Variants in PARK7 observed in about 807,000 individuals in gnomAD.
The protein encoded by PARK7 is Parkinson disease protein 7.
Under a neutral mutation model 20.5 loss-of-function variants are expected in PARK7, and 14 were observed. The observed-to-expected ratio is 0.68, with a 90% CI of 0.45 to 1.07. PARK7 has a LOEUF of 1.07. Ranked by LOEUF, PARK7 falls within the 50% of genes least tolerant of loss-of-function variation. The pLI is 0.00. For missense variants in PARK7, 234 were observed against 238.1 expected (o/e 0.98, Z 0.11); for synonymous variants, 98 against 84.3 (o/e 1.16, Z -0.89).
At chr1:7,965,236 C>A in intron 2 of PARK7, 88 bp from the exon 3 acceptor site, 1 of 1,222,106 alleles carries the variant, frequency 8.2e-7, no homozygotes. Flanking sequence ...GGTGAGACCC[C>A]ATCTCTCTTT....
At chr1:7,971,091 G>T in intron 5 of PARK7, 128 bp downstream of exon 5, 1 of 1,023,198 alleles carries the variant, frequency 9.8e-7, no homozygotes, top group Middle Eastern at 2.0e-4. Flanking sequence ...GGTGTATTTA[G>T]TTTGGGTGGC....
intron 5 of PARK7, 21 bp downstream of exon 5, chr1:7,970,984 G>GTGT (rs1640453908): frequency 6.2e-7 from 1 of 1,613,866 alleles, no homozygotes; most frequent in Non-Finnish European, 8.5e-7. Context: ...GGGGCAGCCT[G>GTGT]TGTTGCAGCG....
chr1:7,965,327 A>G lies in PARK7; in HGVS notation c.94A>G (p.Lys32Glu). 1 of 1,613,444 alleles carries G rather than the reference A, an allele frequency of 6.2e-7. No homozygotes were observed. Among genetic ancestry groups the G allele is most frequent in the Non-Finnish European group, 8.5e-7 (1 of 1,179,392 alleles). Residue 32 changes from lysine to glutamate, a missense_variant, in exon 3 of 7, where the codon AAG becomes GAG. Physicochemically the swap from Lys to Glu is moderately conservative, Grantham distance 56 (BLOSUM62 1). Transcript: ENST00000338639. The stretch of plus-strand genomic sequence containing the variant: ...TATGATAACATCTTTCTCGTAGATT[A>G]AGGTCACCGTTGCAGGCCTGGCTGG... ...PVDVMRRAGI[K>E]VTVAGLAGKD... is the part of the protein sequence containing the mutation.
rs1252790089 is a variant in PARK7, at chr1:7,984,866, T to C, written c.410-28T>C. The C allele has an allele frequency of 1.9e-6, 3 of 1,613,766 alleles. No individual in the cohort carries two copies. The highest frequency in any genetic ancestry group is 2.5e-6 in the Non-Finnish European group (3 of 1,179,816). ...TTTCTCGTCACATAGCCCATTAGGA[T>C]GTCACCTTTTCTGTTTCTACTTTGC... On this transcript the variant is annotated intron_variant, in intron 6 of 6. Coordinates refer to ENST00000338639, the MANE Select transcript of PARK7 (RefSeq NM_007262.5). The surrounding 1 kb of genome is among the most constrained non-coding windows in gnomAD (Gnocchi z 4.3).
intron 5 of PARK7, among the ~76,000 whole-genome samples, chr1:7,977,338 C>G (rs1479683420): frequency 6.6e-6 from 1 of 152,186 alleles, no homozygotes; most frequent in African/African-American, 2.4e-5. Context: ...CAGATGTGCT[C>G]AGCAAATCGT....
chr1:7,974,522 G>A (rs1215049801), intron 5 of PARK7, among the ~76,000 whole-genome samples: 9 of 151,652 alleles, frequency 5.9e-5, no homozygotes, highest in Admixed American at 5.3e-4. Flanking sequence ...CCAGCTACTC[G>A]GGAGGCTGAG....
chr1:7,971,043 G>A (rs550838345), intron 5 of PARK7, 80 bp downstream of exon 5: 4 of 1,449,692 alleles, frequency 2.8e-6, no homozygotes, highest in East Asian at 2.3e-5. Flanking sequence ...ATTCCAAATA[G>A]CTCTTCCCCT....
At chr1:7,967,126 CA>C (rs1640346936) in intron 3 of PARK7, among the ~76,000 whole-genome samples, 1 of 150,194 alleles carries the variant, frequency 6.7e-6, no homozygotes, top group Admixed American at 6.6e-5. Flanking sequence ...TCTATGTGAT[CA>C]ATTTTTTTTT....
chr1:7,972,018 C>T (rs1351753382), intron 5 of PARK7: 1 of 152,060 alleles, frequency 6.6e-6, no homozygotes, highest in Non-Finnish European at 1.5e-5. Flanking sequence ...GTTTGGTAAA[C>T]ATCAACATCA....
At chr1:7,962,901 A>G in intron 2 of PARK7, 26 bp downstream of exon 2, 1 of 1,555,318 alleles carries the variant, frequency 6.4e-7, no homozygotes. Context: ...ATTTTTAGCC[A>G]TTCCTGTTTT....
intron 4 of PARK7, among the ~76,000 whole-genome samples, 164 bp downstream of exon 4, chr1:7,969,568 A>G (rs1640412139): frequency 6.6e-6 from 1 of 151,474 alleles, no homozygotes; most frequent in South Asian, 2.1e-4. Flanking sequence ...AAATGGTGTT[A>G]TAGCATTAAC....
intron 6 of PARK7, among the ~76,000 whole-genome samples, chr1:7,981,155 C>T (rs1330752977): frequency 1.3e-5 from 2 of 152,186 alleles, no homozygotes; most frequent in Admixed American, 1.3e-4. Flanking sequence ...TGGAGCCTGG[C>T]ATCGTGGGGT....
Position 7,969,311 on chromosome 1 carries a change from G to GT in PARK7, c.193-29dup, listed in dbSNP as rs758333393. On this transcript the variant is annotated intron_variant, in intron 3 of 6. Coordinates refer to ENST00000338639, the MANE Select transcript of PARK7 (RefSeq NM_007262.5). ...ATTTAATGCACAGTTGAAATGAAAT[G>GT]TTTTTGTTTTCTTTATGTTTTAAAC... The GT allele has an allele frequency of 6.4e-6, 10 of 1,550,782 alleles. No homozygotes were observed. In the African/African-American group the frequency reaches 1.2e-4, roughly 19 times the overall value.
At chr1:7,979,955 C>A (rs533842949) in intron 6 of PARK7, among the ~76,000 whole-genome samples, 2 of 152,004 alleles carry the variant, frequency 1.3e-5, no homozygotes, top group African/African-American at 4.8e-5. Flanking sequence ...GTCAGGAGAT[C>A]GAGACCATCC....
chr1:7,963,386 C>CTTT (rs34942518), intron 2 of PARK7, among the ~76,000 whole-genome samples: 1 of 140,960 alleles, frequency 7.1e-6, no homozygotes, highest in East Asian at 2.1e-4. Context: ...CTTTTTTCTT[C>CTTT]TTTTTTTTTT....
chr1:7,962,933 T>TC, intron 2 of PARK7, 58 bp downstream of exon 2: 1 of 1,338,340 alleles, frequency 7.5e-7, no homozygotes, highest in South Asian at 1.2e-5. Context: ...GATTTTTAAA[T>TC]CATTTTGAAT....
chr1:7,966,205 G>C (rs1186933151), intron 3 of PARK7, among the ~76,000 whole-genome samples: 1 of 152,136 alleles, frequency 6.6e-6, no homozygotes, highest in Admixed American at 6.6e-5. Flanking sequence ...AAAGGAGGCA[G>C]AGTCGGCTCA....
At chr1:7,974,029 G>C (rs564475595) in intron 5 of PARK7, among the ~76,000 whole-genome samples, 13 of 152,066 alleles carry the variant, frequency 8.5e-5, no homozygotes, top group Non-Finnish European at 1.3e-4. Flanking sequence ...AAATAAACAG[G>C]CTGGCTGTGG....
chr1:7,968,412 T>C (rs768948139), intron 3 of PARK7, among the ~76,000 whole-genome samples: 11 of 152,234 alleles, frequency 7.2e-5, no homozygotes, highest in Non-Finnish European at 1.3e-4. Context: ...TTAATTTGAT[T>C]TCTAGGATTT....
Sources: gnomAD v4.1 joint callset for allele counts (sites outside exome capture counted in the v4.1 genomes callset) on GRCh38, gnomAD v4.1.1 for gene constraint, Gnocchi (gnomAD v3.1) non-coding constraint, MANE v1.5 for transcripts, NCBI Gene and HGNC (gene_info 2026-07-23, HGNC 2026-07-21) for gene names.